Variants in PDE1A observed in about 807,000 individuals in gnomAD.
PDE1A encodes dual specificity calcium/calmodulin-dependent 3',5'-cyclic nucleotide phosphodiesterase 1A.
A neutral mutation model predicts 61.7 loss-of-function variants in PDE1A; 35 were observed. That is an observed-to-expected ratio of 0.57 (90% CI 0.43 to 0.75). The LOEUF (loss-of-function observed/expected upper bound fraction) is 0.75. Ranked by LOEUF, PDE1A falls within the 30% of genes least tolerant of loss-of-function variation. The probability of loss-of-function intolerance (pLI) is 0.00; values close to 1 mark genes in which losing one functional copy is unlikely to be tolerated. For synonymous variants in PDE1A, 232 were observed against 213.2 expected, an observed-to-expected ratio of 1.09 and a Z score of -0.77; for missense variants, 597 against 630.6, an observed-to-expected ratio of 0.95 and a Z score of 0.57.
chr2:182,341,762 A>T (rs1163455884), intron 1 of PDE1A, among the ~76,000 whole-genome samples: 1 of 152,128 alleles, frequency 6.6e-6, no homozygotes. Flanking sequence ...AAATTTCTTT[A>T]TCCTCTTTTT....
chr2:182,219,884 C>T (rs1029278618), intron 7 of PDE1A, among the ~76,000 whole-genome samples: 1 of 151,914 alleles, frequency 6.6e-6, no homozygotes, highest in Non-Finnish European at 1.5e-5. Flanking sequence ...TGTATCTTAT[C>T]ATGTTATATA....
intron 13 of PDE1A, among the ~76,000 whole-genome samples, chr2:182,171,843 T>G (rs144207443): frequency 6.6e-6 from 1 of 151,520 alleles, no homozygotes; most frequent in Admixed American, 6.6e-5. Flanking sequence ...CTCTGCCCCA[T>G]CATCTCTGTT....
chr2:182,371,005 G>A (rs1183839105), intron 1 of PDE1A, among the ~76,000 whole-genome samples: 26 of 152,056 alleles, frequency 1.7e-4, no homozygotes, highest in Admixed American at 1.6e-3. Context: ...CTACTCAAAC[G>A]CAATCAATTA....
At chr2:182,266,186 T>C (rs1444792706) in intron 1 of PDE1A, among the ~76,000 whole-genome samples, 1 of 152,130 alleles carries the variant, frequency 6.6e-6, no homozygotes, top group African/African-American at 2.4e-5. Flanking sequence ...AAATTGTATA[T>C]ACCAATAAAT....
intron 1 of PDE1A, among the ~76,000 whole-genome samples, chr2:182,363,588 A>G (rs1699641570): frequency 6.6e-6 from 1 of 152,062 alleles, no homozygotes; most frequent in African/African-American, 2.4e-5. Context: ...GGAGTAACAC[A>G]CGCCAAAATT....
chr2:182,664,577 A>G, the PDE1A span, among the ~76,000 whole-genome samples: 1 of 152,204 alleles, frequency 6.6e-6, no homozygotes, highest in Non-Finnish European at 1.5e-5. Context: ...CATTTGGCTT[A>G]AAATGCTAAG....
At chr2:182,391,882 A>C (rs1483513794) in intron 1 of PDE1A, among the ~76,000 whole-genome samples, 1 of 152,172 alleles carries the variant, frequency 6.6e-6, no homozygotes, top group Non-Finnish European at 1.5e-5. Flanking sequence ...CATGCAGAAA[A>C]CTTCCAGGCT....
upstream of PDE1A, among the ~76,000 whole-genome samples, chr2:182,523,573 C>A (rs575902583): frequency 6.6e-6 from 1 of 152,230 alleles, no homozygotes; most frequent in African/African-American, 2.4e-5. Context: ...TTTATTTCTT[C>A]TTGCAAGAAA....
chr2:182,533,666 T>C, the PDE1A span, among the ~76,000 whole-genome samples: 2 of 152,152 alleles, frequency 1.3e-5, no homozygotes, highest in Non-Finnish European at 2.9e-5. Context: ...GTAAGTATAA[T>C]TGATTAGAAT....
intron 13 of PDE1A, among the ~76,000 whole-genome samples, chr2:182,156,164 A>C (rs1691070292): frequency 6.6e-6 from 1 of 152,180 alleles, no homozygotes; most frequent in Admixed American, 6.5e-5. Context: ...TTATCTAATC[A>C]TAAGTTATCT....
chr2:182,158,183 G>A (rs886547550), intron 13 of PDE1A, among the ~76,000 whole-genome samples: 5 of 152,134 alleles, frequency 3.3e-5, no homozygotes, highest in African/African-American at 4.8e-5. Context: ...TGCTCCTATT[G>A]AAGTAAACTT....
the PDE1A span, among the ~76,000 whole-genome samples, chr2:182,546,659 T>C: frequency 6.6e-6 from 1 of 152,220 alleles, no homozygotes; most frequent in Non-Finnish European, 1.5e-5. Context: ...CAACTTGCTG[T>C]GTGTTGTTGC....
chr2:182,519,293 A>C (rs1690410336), intron 2 of PDE1A, among the ~76,000 whole-genome samples: 2 of 152,088 alleles, frequency 1.3e-5, no homozygotes, highest in Non-Finnish European at 2.9e-5. Flanking sequence ...AATTCTTTTT[A>C]AATCTAATTT....
chr2:182,609,730 A>G, the PDE1A span, among the ~76,000 whole-genome samples: 1 of 152,268 alleles, frequency 6.6e-6, no homozygotes, highest in Non-Finnish European at 1.5e-5. Flanking sequence ...CAGTGAGACC[A>G]AGAACCCACC....
chr2:182,200,607 T>C (rs1686540768), intron 10 of PDE1A, among the ~76,000 whole-genome samples: 1 of 152,170 alleles, frequency 6.6e-6, no homozygotes, highest in African/African-American at 2.4e-5. Flanking sequence ...CTGCCTGGAT[T>C]GTATTCTTTA....
At chr2:182,540,397 AGC>A in the PDE1A span, among the ~76,000 whole-genome samples, 1 of 76,908 alleles carries the variant, frequency 1.3e-5, no homozygotes, top group African/African-American at 3.5e-5. Context: ...CAGCAGCAGC[AGC>A]AGCAGCAGCA....
intron 2 of PDE1A, among the ~76,000 whole-genome samples, chr2:182,246,852 G>T (rs553537786): frequency 6.6e-6 from 1 of 152,262 alleles, no homozygotes; most frequent in East Asian, 1.9e-4. Flanking sequence ...GCCTTCTGTT[G>T]TACACTGCTG....
chr2:182,279,647 C>T (rs752681179), intron 1 of PDE1A, among the ~76,000 whole-genome samples: 8 of 151,762 alleles, frequency 5.3e-5, no homozygotes, highest in African/African-American at 1.7e-4. Flanking sequence ...ACTTTTAAAA[C>T]ATCTTTATTG....
chr2:182,552,429 G>T, the PDE1A span, among the ~76,000 whole-genome samples: 1 of 149,856 alleles, frequency 6.7e-6, no homozygotes, highest in African/African-American at 2.4e-5. Flanking sequence ...TAAAACAAAA[G>T]CTACACAAAG....
Sources: gnomAD v4.1 joint callset for allele counts (sites outside exome capture counted in the v4.1 genomes callset) on GRCh38, gnomAD v4.1.1 for gene constraint, MANE v1.5 for transcripts, NCBI Gene and HGNC (gene_info 2026-07-23, HGNC 2026-07-21) for gene names.